Variants in GAL3ST4 observed in about 807,000 individuals in gnomAD.
The protein encoded by GAL3ST4 is beta-galactose-3-O-sulfotransferase 4.
GAL3ST4 carries 30 observed loss-of-function variants against 31.6 expected under a neutral mutation model. The observed-to-expected ratio is 0.95, with a 90% CI of 0.71 to 1.29. The LOEUF is 1.29. Ranked by LOEUF, GAL3ST4 falls within the 50% of genes most tolerant of loss-of-function variation. The probability of loss-of-function intolerance (pLI) is 0.00; values close to 1 mark genes in which losing one functional copy is unlikely to be tolerated. For synonymous variants in GAL3ST4, 248 were observed against 256.9 expected, an observed-to-expected ratio of 0.97 and a Z score of 0.33; for missense variants, 629 against 625.2, an observed-to-expected ratio of 1.01 and a Z score of -0.06.
Position 100,159,914 on chromosome 7 carries a change from C to A in GAL3ST4, c.*14G>T. 2 of 1,576,656 alleles carry A rather than the reference C, an allele frequency of 1.3e-6. No individual in the cohort carries two copies. The highest frequency in any genetic ancestry group is 1.7e-6 in the Non-Finnish European group (2 of 1,159,768). ...AACATGGCTGCTCTTCCACCTAAAT[C>A]TGTAGTCTGATGTTTATGGGGAGAG... On this transcript the variant is annotated 3_prime_UTR_variant, in exon 4 of 4. Transcript: ENST00000360039.
chr7:100,162,418 G>A (rs1324884848), intron 3 of GAL3ST4, among the ~76,000 whole-genome samples: 3 of 151,168 alleles, frequency 2.0e-5, no homozygotes, highest in South Asian at 2.1e-4. Flanking sequence ...GGTGGCAGGC[G>A]CCTGTAATCC....
At chr7:100,165,885 C>T (rs1228945118) in intron 3 of GAL3ST4, among the ~76,000 whole-genome samples, 1 of 151,104 alleles carries the variant, frequency 6.6e-6, no homozygotes, top group South Asian at 2.1e-4. Flanking sequence ...CTCCTGTAAT[C>T]CCAACCCTTT....
In GAL3ST4 at chr7:100,160,449, G is replaced by C. The variant is rs749544566; in HGVS notation, c.940C>G (p.Leu314Val). 6.2e-7 allele frequency: 1 copy of C among 1,614,120 alleles called. No homozygotes were observed. Among genetic ancestry groups the C allele is most frequent in the Non-Finnish European group, 8.5e-7 (1 of 1,180,024 alleles). ...AGACCCCAGCACAGGGCATCTGCCA[G>C]CAGAACCAATGACTCATCGAAGTAC... The part of the protein sequence containing the change: ...AEYFDESLVL[L>V]ADALCWGLDD... The change falls in exon 4 of 4, where the codon CTG becomes GTG. Residue 314 changes from leucine to valine, a missense_variant. Leu to Val is a conservative substitution (Grantham distance 32, BLOSUM62 1). Transcript: ENST00000360039.
In GAL3ST4 at chr7:100,159,579, G is replaced by A. The variant is rs370049334; in HGVS notation, c.*349C>T. 1.0e-5 allele frequency: 2 copies of A among 190,714 alleles called. No homozygotes were observed. The highest frequency in any genetic ancestry group is 1.1e-4 in the South Asian group (1 of 9,300). 11.8% of individuals were successfully genotyped at this position (190,714 alleles called of 1,614,324 possible). On this transcript the variant is annotated 3_prime_UTR_variant, in exon 4 of 4. Transcript: ENST00000360039. ...CTCTAAAAATATAAAAATTAGCCGG[G>A]TATGGTGGCACGTATCTGTAATCCT...
chr7:100,166,379 C>T (rs1584626513), intron 3 of GAL3ST4, 123 bp downstream of exon 3: 2 of 1,058,196 alleles, frequency 1.9e-6, no homozygotes, highest in East Asian at 4.8e-5. Context: ...CTTTGTGGCC[C>T]CTATGTCCAA....
intron 3 of GAL3ST4, among the ~76,000 whole-genome samples, chr7:100,163,058 G>A (rs1262386102): frequency 6.6e-6 from 1 of 152,118 alleles, no homozygotes; most frequent in Non-Finnish European, 1.5e-5. Context: ...CTGGGAGGGG[G>A]CATCACTGGC....
In GAL3ST4 at chr7:100,168,246, AC is replaced by A. The variant is rs1382626476; in HGVS notation, c.-189+299del. On this transcript the variant is annotated intron_variant, in intron 1 of 3. Coordinates refer to ENST00000360039, the MANE Select transcript of GAL3ST4 (RefSeq NM_024637.5). This position sits in a 1 kb window ranked among gnomAD's most constrained non-coding sequence, Gnocchi z 4.1. ...TCCCTGCTCCGATGAGCCAGGGGTA[AC>A]CCCAAGCAGAGAGAAGCCACACTTT... The A allele has an allele frequency of 6.6e-6, 1 of 151,854 alleles. No individual in the cohort carries two copies. Among genetic ancestry groups the A allele is most frequent in the Non-Finnish European group, 1.5e-5 (1 of 68,006 alleles). The allele number at this position is 151,854 out of a possible 1,614,324, so 9.4% of individuals were successfully genotyped here.
intron 1 of GAL3ST4, chr7:100,167,999 G>C (rs1464293879): frequency 5.1e-5 from 6 of 118,212 alleles, no homozygotes; most frequent in African/African-American, 2.1e-4. Context: ...GACAGAAAGA[G>C]AGAGAGACAC....
chr7:100,165,220 G>C (rs534768428), intron 3 of GAL3ST4, among the ~76,000 whole-genome samples: 1 of 151,984 alleles, frequency 6.6e-6, no homozygotes, highest in African/African-American at 2.4e-5. Flanking sequence ...GCCCAGGCTG[G>C]AGTGCAGTGG....
Position 100,159,934 on chromosome 7 carries a change from G to C in GAL3ST4, c.1455C>G (p.Ser485=). Residue 485 remains serine (S), a synonymous_variant, in exon 4 of 4, where the codon TCC becomes TCG. Coordinates refer to ENST00000360039, the MANE Select transcript of GAL3ST4 (RefSeq NM_024637.5). ...TAAATCTGTAGTCTGATGTTTATGG[G>C]GAGAGTGGCCTTGAAGTCTTGAGGG... The part of the protein sequence containing the change: ...SLPLKTSRPL[S]P 6.2e-7 allele frequency: 1 copy of C among 1,601,104 alleles called. No individual in the cohort carries two copies.
chr7:100,163,475 C>CTT (rs397889093), intron 3 of GAL3ST4, among the ~76,000 whole-genome samples: 49 of 133,486 alleles, frequency 3.7e-4, no homozygotes, highest in African/African-American at 9.5e-4. Flanking sequence ...TGTGAACTCT[C>CTT]TTTTTTTTTT....
Position 100,160,381 on chromosome 7 carries a change from A to G in GAL3ST4, c.1008T>C (p.His336=), listed in dbSNP as rs1798978760. ...TGCTGACAGTGCTGAGGCCCTGCTT[A>G]TGTCCAGCCTGGGCATTGTGCATGA... ...VGFMHNAQAG[H]KQGLSTVSNS... The change falls in exon 4 of 4, where the codon CAT becomes CAC. Residue 336 remains histidine (H), a synonymous_variant. Coordinates refer to ENST00000360039, the MANE Select transcript of GAL3ST4 (RefSeq NM_024637.5). The G allele has an allele frequency of 6.2e-7, 1 of 1,614,036 alleles. No individual in the cohort carries two copies. Among genetic ancestry groups the G allele is most frequent in the Non-Finnish European group, 8.5e-7 (1 of 1,180,020 alleles).
In GAL3ST4 at chr7:100,167,145, A is replaced by G. The variant is rs775490342; in HGVS notation, c.-50T>C. On this transcript the variant is annotated 5_prime_UTR_variant, in exon 2 of 4. Coordinates refer to ENST00000360039, the MANE Select transcript of GAL3ST4 (RefSeq NM_024637.5). ...CAGAGAGATGGAGCCAGGGCCAGGA[A>G]GAGGGGCAGAGACAGCTGGAGACAG... 3.9e-6 allele frequency: 6 copies of G among 1,551,596 alleles called. No homozygotes were observed. Among genetic ancestry groups the G allele is most frequent in the South Asian group, 3.6e-5 (3 of 84,064 alleles).
Position 100,160,681 on chromosome 7 carries a change from GTTGGGGTCTCTGGGGGGA to G in GAL3ST4, c.690_707del (p.Arg233_Pro238del). The stretch of plus-strand genomic sequence containing the variant: ...AAGGCAAGACCTGCAGCTGTGGGGG[GTTGGGGTCTCTGGGGGGA>G]TGAATATTCCCTCTCTTGGCCCTCT... On this transcript the variant is annotated inframe_deletion, in exon 4 of 4. Coordinates refer to ENST00000360039, the MANE Select transcript of GAL3ST4 (RefSeq NM_024637.5). 1 of 1,613,856 alleles carries G rather than the reference GTTGGGGTCTCTGGGGGGA, an allele frequency of 6.2e-7. No homozygotes were observed. Among genetic ancestry groups the G allele is most frequent in the South Asian group, 1.1e-5 (1 of 91,084 alleles).
At chr7:100,164,233 T>C (rs920524328) in intron 3 of GAL3ST4, among the ~76,000 whole-genome samples, 3 of 152,278 alleles carry the variant, frequency 2.0e-5, no homozygotes, top group African/African-American at 2.4e-5. Context: ...GTGGAACTTC[T>C]ACCCCCAGTA....
rs868837350 is a variant in GAL3ST4 at position 100,167,173 on chromosome 7, G to A, written c.-78C>T. ...GGGGCAGAGACAGCTGGAGACAGCCGTGCAGCTGCGGAAGGCACTGGTTGG... is the reference window on the plus strand; with the variant it reads ...GGGGCAGAGACAGCTGGAGACAGCCATGCAGCTGCGGAAGGCACTGGTTGG... On this transcript the variant is annotated 5_prime_UTR_variant, in exon 2 of 4. It adds an upstream start codon to the 5' untranslated region. Coordinates refer to ENST00000360039, the MANE Select transcript of GAL3ST4 (RefSeq NM_024637.5). The A allele has an allele frequency of 2.5e-5, 38 of 1,550,398 alleles. 1 individual carries two copies. The Middle Eastern group carries it at 1.6e-3, about 64-fold the overall frequency.
Position 100,159,867 on chromosome 7 carries a change from C to CA in GAL3ST4, c.*60dup. ...GCAGAAATGGCATCTTGCTGCCCCC[C>CA]ACTCATCACATGTGCCCTTCAAACA... On this transcript the variant is annotated 3_prime_UTR_variant, in exon 4 of 4. Coordinates refer to ENST00000360039, the MANE Select transcript of GAL3ST4 (RefSeq NM_024637.5). 7.3e-7 allele frequency: 1 copy of CA among 1,362,878 alleles called. No homozygotes were observed. The highest frequency in any genetic ancestry group is 1.0e-6 in the Non-Finnish European group (1 of 985,850). 84.4% of individuals were successfully genotyped at this position (1,362,878 alleles called of 1,614,324 possible).
At position 100,160,977 on chromosome 7, in the gene GAL3ST4, CAGAAGAG is replaced by C. The variant is rs776981856; in HGVS notation, c.430-25_430-19del. On this transcript the variant is annotated intron_variant, in intron 3 of 3. Coordinates refer to ENST00000360039, the MANE Select transcript of GAL3ST4 (RefSeq NM_024637.5). Reference sequence around the variant, plus strand: ...TGAAGTACCTGCAGAGGAGGGAAGACAGAAGAGAGAGAACTGGGCTGGGGAGAAGGTA... The same window carrying C: ...TGAAGTACCTGCAGAGGAGGGAAGACAGAGAACTGGGCTGGGGAGAAGGTA... 50 of 1,555,954 alleles carry C rather than the reference CAGAAGAG, an allele frequency of 3.2e-5. No homozygotes were observed. In the African/African-American group the frequency reaches 6.9e-4, roughly 21 times the overall value.
rs397889093 is a variant in GAL3ST4 at position 100,163,475 on chromosome 7, CTT to C, written c.430-2518_430-2517del. ...ACCTGAATAGCAGCCTGTGAACTCT[CTT>C]TTTTTTTTTTTTTTTTGAGGGGGAG... On this transcript the variant is annotated intron_variant, in intron 3 of 3. Coordinates refer to ENST00000360039, the MANE Select transcript of GAL3ST4 (RefSeq NM_024637.5). Among the ~76,000 whole-genome samples the C allele has an allele frequency of 3.9e-3, 515 of 133,454 alleles. 4 individuals carry two copies. Among genetic ancestry groups the C allele is most frequent in the African/African-American group, 0.011 (395 of 35,970 alleles). 87.6% of individuals were successfully genotyped at this position (133,454 alleles called of 152,430 possible).
Sources: gnomAD v4.1 joint callset for allele counts (sites outside exome capture counted in the v4.1 genomes callset) on GRCh38, gnomAD v4.1.1 for gene constraint, Gnocchi (gnomAD v3.1) non-coding constraint, MANE v1.5 for transcripts, NCBI Gene and HGNC (gene_info 2026-07-23, HGNC 2026-07-21) for gene names.